The following RIMS2 variants were observed in gnomAD, a reference collection of about 807,000 sequenced individuals.
RIMS2 encodes the protein regulating synaptic membrane exocytosis protein 2.
In RIMS2, 59 loss-of-function variants were observed where a neutral mutation model predicts 174.4. That is an observed-to-expected ratio of 0.34 (90% CI 0.27 to 0.42). RIMS2 has a LOEUF of 0.42. Among genes scored for constraint, RIMS2 ranks in the 10% least tolerant of loss-of-function variants. The pLI, the probability that RIMS2 is intolerant of heterozygous loss-of-function variation, is 1.00. For missense variants in RIMS2, 1,620 were observed against 1,666.3 expected (o/e 0.97, Z 0.48); for synonymous variants, 606 against 572.5 (o/e 1.06, Z -0.84).
At chr8:103,868,188 G>A (rs542921772) in intron 3 of RIMS2, among the ~76,000 whole-genome samples, 6 of 151,884 alleles carry the variant, frequency 4.0e-5, no homozygotes, top group Non-Finnish European at 5.9e-5. Context: ...ACATAAATTG[G>A]TTAACTAGAT....
intron 19 of RIMS2, among the ~76,000 whole-genome samples, chr8:104,072,752 A>T (rs913096132): frequency 2.6e-5 from 4 of 152,182 alleles, no homozygotes; most frequent in African/African-American, 9.7e-5. Flanking sequence ...TTCCTACTAA[A>T]TTTAAAGAAA....
chr8:104,001,712 C>G (rs1422797962), intron 17 of RIMS2, among the ~76,000 whole-genome samples: 1 of 151,956 alleles, frequency 6.6e-6, no homozygotes, highest in Non-Finnish European at 1.5e-5. Context: ...CTTTGAGATT[C>G]TTGGACTGAC....
At chr8:104,206,305 T>C (rs1359293075) in intron 19 of RIMS2, among the ~76,000 whole-genome samples, 1 of 152,200 alleles carries the variant, frequency 6.6e-6, no homozygotes, top group Non-Finnish European at 1.5e-5. Flanking sequence ...GTCTGAATTA[T>C]AGTTAATATA....
intron 3 of RIMS2, among the ~76,000 whole-genome samples, chr8:103,826,423 A>G (rs2098791379): frequency 1.3e-5 from 2 of 151,738 alleles, no homozygotes; most frequent in South Asian, 4.1e-4. Context: ...GTAGGGGTCA[A>G]GATTAATATT....
At chr8:103,669,217 C>A (rs1252845861) in intron 1 of RIMS2, among the ~76,000 whole-genome samples, 3 of 152,088 alleles carry the variant, frequency 2.0e-5, no homozygotes, top group Non-Finnish European at 4.4e-5. Flanking sequence ...CATCAGATCT[C>A]GTGAGACTTA....
intron 8 of RIMS2, among the ~76,000 whole-genome samples, 157 bp downstream of exon 11, chr8:103,916,694 T>A (rs1452428353): frequency 6.6e-6 from 1 of 152,110 alleles, no homozygotes; most frequent in Non-Finnish European, 1.5e-5. Context: ...ACACCAAAAA[T>A]AATGATATCT....
chr8:103,588,772 A>G (rs2094104547), intron 1 of RIMS2, among the ~76,000 whole-genome samples: 1 of 151,994 alleles, frequency 6.6e-6, no homozygotes. Context: ...AATGGATTAA[A>G]GACTGAAATT....
At chr8:103,638,062 G>A (rs1185668048) in intron 1 of RIMS2, among the ~76,000 whole-genome samples, 1 of 150,906 alleles carries the variant, frequency 6.6e-6, no homozygotes, top group Non-Finnish European at 1.5e-5. Flanking sequence ...CATCATATCA[G>A]GGGGTTAATT....
chr8:103,589,046 C>T (rs960659040), intron 1 of RIMS2, among the ~76,000 whole-genome samples: 3 of 151,580 alleles, frequency 2.0e-5, no homozygotes, highest in African/African-American at 7.3e-5. Flanking sequence ...ACTGGAGGTC[C>T]TACCTAGAGC....
At chr8:103,688,248 T>C (rs919224591) in intron 1 of RIMS2, among the ~76,000 whole-genome samples, 19 of 152,102 alleles carry the variant, frequency 1.2e-4, no homozygotes, top group Non-Finnish European at 2.6e-4. Context: ...GTAACACCTG[T>C]ATTGTGTTGA....
chr8:103,968,302 A>G (rs1419975444), intron 15 of RIMS2, among the ~76,000 whole-genome samples: 2 of 152,026 alleles, frequency 1.3e-5, no homozygotes. Flanking sequence ...AGTCTCTTTT[A>G]GTTAGTGCAT....
chr8:104,136,058 T>C (rs1275999268), intron 19 of RIMS2, among the ~76,000 whole-genome samples: 2 of 152,022 alleles, frequency 1.3e-5, no homozygotes, highest in South Asian at 4.2e-4. Flanking sequence ...CGAACGTGAG[T>C]TTTCTAATTA....
intron 19 of RIMS2, among the ~76,000 whole-genome samples, chr8:104,026,146 A>G (rs2096252505): frequency 6.6e-6 from 1 of 152,186 alleles, no homozygotes; most frequent in African/African-American, 2.4e-5. Context: ...CTTGCATAAG[A>G]AACAATACCA....
chr8:103,851,352 T>A (rs1206402558), intron 3 of RIMS2, among the ~76,000 whole-genome samples: 1 of 151,798 alleles, frequency 6.6e-6, no homozygotes, highest in Non-Finnish European at 1.5e-5. Context: ...TGCTTTATAA[T>A]TTTGATAATT....
chr8:104,220,799 G>T (rs1425833760), intron 19 of RIMS2, among the ~76,000 whole-genome samples: 2 of 151,410 alleles, frequency 1.3e-5, no homozygotes, highest in Non-Finnish European at 2.9e-5. Flanking sequence ...TGGAGATGAG[G>T]TTTCACTATG....
At chr8:104,242,384 T>C (rs1238458221) in intron 19 of RIMS2, among the ~76,000 whole-genome samples, 1 of 152,210 alleles carries the variant, frequency 6.6e-6, no homozygotes, top group East Asian at 1.9e-4. Flanking sequence ...TAATCTCATC[T>C]AATGTCAAAT....
rs1350389845 is a variant in RIMS2, at chr8:104,188,221, A to AGATAGATAGATAGATAGAT, written c.3335-56694_3335-56676dup. 4.9e-3 allele frequency among the ~76,000 whole-genome samples: 253 copies of AGATAGATAGATAGATAGAT among 52,160 alleles called. 1 individual carries two copies. Among genetic ancestry groups the AGATAGATAGATAGATAGAT allele is most frequent in the African/African-American group, 0.015 (226 of 15,506 alleles). 34.2% of individuals were successfully genotyped at this position (52,160 alleles called of 152,430 possible). ...AAGTGGGACTTTTAATGGTTTGTTCAGATAGATAGATAGATAGATAGATAG... is the reference window on the plus strand; with the variant it reads ...AAGTGGGACTTTTAATGGTTTGTTCAGATAGATAGATAGATAGATGATAGATAGATAGATAGATAGATAG... On this transcript the variant is annotated intron_variant, in intron 19 of 23. Coordinates refer to ENST00000504942, the Ensembl canonical transcript of RIMS2.
intron 3 of RIMS2, among the ~76,000 whole-genome samples, chr8:103,790,918 A>G (rs1222764042): frequency 1.3e-5 from 2 of 152,224 alleles, no homozygotes; most frequent in Non-Finnish European, 2.9e-5. Context: ...GTATGGGACT[A>G]TGTGAAAAGA....
At chr8:104,142,031 A>G (rs2098582620) in intron 19 of RIMS2, among the ~76,000 whole-genome samples, 1 of 151,972 alleles carries the variant, frequency 6.6e-6, no homozygotes, top group Non-Finnish European at 1.5e-5. Flanking sequence ...TGTCTGTGCT[A>G]TACCTCTTAA....
Sources: allele counts gnomAD v4.1 joint callset (sites outside exome capture counted in the v4.1 genomes callset), GRCh38; gene constraint gnomAD v4.1.1; transcripts MANE v1.5; gene names NCBI Gene and HGNC (gene_info 2026-07-23, HGNC 2026-07-21).